ARL15: variants seen among roughly 807,000 people sequenced by gnomAD.
ARL15 encodes ARF like GTPase 15.
ARL15 carries 19 observed loss-of-function variants against 25.2 expected under a neutral mutation model. The ratio of observed to expected loss-of-function variants is 0.75; its 90% CI spans 0.53 to 1.10. ARL15 has a LOEUF of 1.10. ARL15 is among the 50% of genes least tolerant of loss of function. The pLI is 0.00. For missense variants in ARL15, 220 were observed against 246.0 expected (o/e 0.89, Z 0.71); for synonymous variants, 94 against 86.8 (o/e 1.08, Z -0.46).
chr5:54,302,048 T>C (rs1365852660), intron 1 of ARL15, among the ~76,000 whole-genome samples: 5 of 152,114 alleles, frequency 3.3e-5, no homozygotes, highest in Non-Finnish European at 7.4e-5. Context: ...GGGTAATCAA[T>C]GAAAGCAAAA....
At chr5:54,228,735 A>G (rs1756591822) in intron 1 of ARL15, among the ~76,000 whole-genome samples, 2 of 152,150 alleles carry the variant, frequency 1.3e-5, no homozygotes, top group South Asian at 4.1e-4. Context: ...TATTCCCTTT[A>G]ATGAATTTCA....
intron 1 of ARL15, among the ~76,000 whole-genome samples, chr5:54,199,406 A>C (rs1441461571): frequency 6.6e-6 from 1 of 151,836 alleles, no homozygotes; most frequent in Non-Finnish European, 1.5e-5. Flanking sequence ...CATCTGACAA[A>C]GGGCTAATAT....
chr5:53,966,503 C>G (rs1361056787), intron 4 of ARL15, among the ~76,000 whole-genome samples: 1 of 152,182 alleles, frequency 6.6e-6, no homozygotes, highest in Non-Finnish European at 1.5e-5. Context: ...TTGAGCTGGT[C>G]ATTCAGAAAT....
At chr5:53,993,466 GATA>G (rs1275643507) in intron 4 of ARL15, among the ~76,000 whole-genome samples, 5 of 152,230 alleles carry the variant, frequency 3.3e-5, no homozygotes, top group East Asian at 3.9e-4. Context: ...GAATGATGAA[GATA>G]ATGATGATGA....
intron 4 of ARL15, among the ~76,000 whole-genome samples, chr5:54,081,186 G>A (rs1206747965): frequency 1.3e-5 from 2 of 152,192 alleles, no homozygotes; most frequent in Admixed American, 1.3e-4. Flanking sequence ...TGTCATTCAT[G>A]AAAGTATGCG....
intron 4 of ARL15, among the ~76,000 whole-genome samples, chr5:53,951,094 A>G (rs1374297911): frequency 4.6e-5 from 7 of 152,262 alleles, no homozygotes; most frequent in African/African-American, 1.4e-4. Context: ...CATAAAAATT[A>G]GATGAAATAC....
chr5:54,115,988 T>C (rs1294017469), intron 3 of ARL15, among the ~76,000 whole-genome samples: 5 of 152,104 alleles, frequency 3.3e-5, no homozygotes, highest in Non-Finnish European at 7.4e-5. Context: ...GTGAAAGAAG[T>C]AAGCTAGAAT....
At chr5:54,248,579 A>C (rs1757154975) in intron 1 of ARL15, among the ~76,000 whole-genome samples, 1 of 152,140 alleles carries the variant, frequency 6.6e-6, no homozygotes, top group African/African-American at 2.4e-5. Context: ...CTTATTAATC[A>C]CCAGAGCCCT....
At chr5:53,928,413 A>G (rs1001276056) in intron 4 of ARL15, among the ~76,000 whole-genome samples, 1 of 152,158 alleles carries the variant, frequency 6.6e-6, no homozygotes, top group African/African-American at 2.4e-5. Context: ...TTTACTTCCA[A>G]TTCTCCAACC....
chr5:54,271,390 C>T (rs1452426729), intron 1 of ARL15, among the ~76,000 whole-genome samples: 1 of 152,128 alleles, frequency 6.6e-6, no homozygotes, highest in East Asian at 1.9e-4. Context: ...TGCATATAAC[C>T]TATGCACATC....
At chr5:53,896,205 G>A (rs988396811) in intron 4 of ARL15, among the ~76,000 whole-genome samples, 1 of 151,882 alleles carries the variant, frequency 6.6e-6, no homozygotes, top group Non-Finnish European at 1.5e-5. Context: ...CGCTAATTTT[G>A]GTATTTTTGG....
intron 1 of ARL15, among the ~76,000 whole-genome samples, chr5:54,180,946 A>C (rs1389487498): frequency 2.0e-4 from 31 of 152,144 alleles, no homozygotes; most frequent in Admixed American, 2.0e-3. Context: ...TGCTGCGCTG[A>C]ACCAGACCCG....
chr5:53,934,341 T>C (rs1204501985), intron 4 of ARL15, among the ~76,000 whole-genome samples: 1 of 152,158 alleles, frequency 6.6e-6, no homozygotes, highest in Non-Finnish European at 1.5e-5. Flanking sequence ...TGTCATTTCA[T>C]GAGAAATCTT....
chr5:54,131,061 C>T (rs1021345908), intron 3 of ARL15, among the ~76,000 whole-genome samples: 4 of 152,122 alleles, frequency 2.6e-5, no homozygotes, highest in African/African-American at 9.7e-5. Context: ...TCCCTGTAGC[C>T]CTTGGGGTGT....
intron 1 of ARL15, among the ~76,000 whole-genome samples, chr5:54,210,899 C>G (rs1178381056): frequency 1.3e-5 from 2 of 152,194 alleles, no homozygotes; most frequent in Non-Finnish European, 2.9e-5. Context: ...AGAACCCAAT[C>G]TAGTGCTTTT....
intron 1 of ARL15, among the ~76,000 whole-genome samples, chr5:54,201,969 A>G (rs998554269): frequency 6.6e-6 from 1 of 152,152 alleles, no homozygotes; most frequent in African/African-American, 2.4e-5. Flanking sequence ...GCAAGAAGGA[A>G]TTCCCTCACA....
rs1752520026 is a variant in ARL15, at chr5:54,104,150, T to C, written c.462+9052A>G. Among the ~76,000 whole-genome samples the C allele has an allele frequency of 3.3e-5, 5 of 152,206 alleles. No homozygotes were observed. The South Asian group carries it at 1.0e-3, about 31-fold the overall frequency. On this transcript the variant is annotated intron_variant, in intron 4 of 4. Transcript: ENST00000504924. The stretch of plus-strand genomic sequence containing the variant: ...TGAACTGAAGGCATTGTTCCAGCTT[T>C]CTGGTGTGCTCTGTCTGCTGCACAT...
intron 4 of ARL15, among the ~76,000 whole-genome samples, chr5:54,013,886 C>A (rs1749323290): frequency 6.6e-6 from 1 of 151,508 alleles, no homozygotes; most frequent in South Asian, 2.1e-4. Context: ...AACCTCTGAA[C>A]CTCTGAGGAG....
chr5:54,089,468 T>C (rs1752068553), intron 4 of ARL15, among the ~76,000 whole-genome samples: 2 of 152,166 alleles, frequency 1.3e-5, no homozygotes, highest in African/African-American at 4.8e-5. Flanking sequence ...TTTGATAAAC[T>C]TCCTCATCCA....
Sources: gnomAD v4.1 joint callset for allele counts (sites outside exome capture counted in the v4.1 genomes callset) on GRCh38, gnomAD v4.1.1 for gene constraint, MANE v1.5 for transcripts, NCBI Gene and HGNC (gene_info 2026-07-23, HGNC 2026-07-21) for gene names.